Variants in MAP3K5 observed in about 807,000 individuals in gnomAD.
The protein encoded by MAP3K5 is mitogen-activated protein kinase kinase kinase 5.
A neutral mutation model predicts 158.7 loss-of-function variants in MAP3K5; 56 were observed. The ratio of observed to expected loss-of-function variants is 0.35; its 90% CI spans 0.28 to 0.44. The LOEUF (loss-of-function observed/expected upper bound fraction) is 0.44, where lower values mean the gene tolerates loss of function less well. MAP3K5 is among the 20% of genes least tolerant of loss of function. The pLI, the probability that MAP3K5 is intolerant of heterozygous loss-of-function variation, is 1.00. For synonymous variants in MAP3K5, 579 were observed against 601.7 expected, an observed-to-expected ratio of 0.96 and a Z score of 0.55; for missense variants, 1,294 against 1,674.8, an observed-to-expected ratio of 0.77 and a Z score of 3.97.
chr6:136,642,690 T>G (rs991273042), intron 11 of MAP3K5, 121 bp from the exon 12 acceptor site: 19 of 687,654 alleles, frequency 2.8e-5, no homozygotes, highest in Non-Finnish European at 4.9e-5. Flanking sequence ...ACACTATTTT[T>G]CATGAAAGAA....
At chr6:136,621,407 T>C (rs1776794847) in intron 15 of MAP3K5, among the ~76,000 whole-genome samples, 2 of 152,220 alleles carry the variant, frequency 1.3e-5, no homozygotes, top group African/African-American at 4.8e-5. Flanking sequence ...CCCCGCCATA[T>C]CTGGTTCAGG....
rs116738593 is a variant in MAP3K5 at position 136,572,691 on chromosome 6, G to C, written c.3518-4817C>G. ...ATCATTTTACGTATGTATATATGACGTAAAAAATTCTCTGAATTAATTTAA... is the reference window on the plus strand; with the variant it reads ...ATCATTTTACGTATGTATATATGACCTAAAAAATTCTCTGAATTAATTTAA... On this transcript the variant is annotated intron_variant, in intron 25 of 29. Coordinates refer to ENST00000359015, the MANE Select transcript of MAP3K5 (RefSeq NM_005923.4). Among the ~76,000 whole-genome samples, 719 of 152,244 alleles carry C rather than the reference G, an allele frequency of 4.7e-3. 10 individuals are homozygous for C. The highest frequency in any genetic ancestry group is 0.017 in the African/African-American group (690 of 41,518).
At chr6:136,789,572 T>A (rs1784982726) in intron 1 of MAP3K5, among the ~76,000 whole-genome samples, 1 of 151,432 alleles carries the variant, frequency 6.6e-6, no homozygotes, top group Non-Finnish European at 1.5e-5. Context: ...CCTGGTAAGA[T>A]CTTTGCCAGC....
intron 1 of MAP3K5, among the ~76,000 whole-genome samples, chr6:136,754,844 C>T (rs1783401426): frequency 6.6e-6 from 1 of 152,070 alleles, no homozygotes; most frequent in African/African-American, 2.4e-5. Context: ...ACAGAGGAAA[C>T]GGGGCTGAGG....
At chr6:136,747,127 C>T (rs9376228) in intron 1 of MAP3K5, among the ~76,000 whole-genome samples, 51,100 of 152,084 alleles carry the variant, frequency 0.34, 10,510 homozygotes, top group Middle Eastern at 0.45. Flanking sequence ...TGCTACATTG[C>T]CCAGGCTGGT....
intron 2 of MAP3K5, among the ~76,000 whole-genome samples, chr6:136,716,892 T>C (rs1372524945): frequency 6.6e-6 from 1 of 152,182 alleles, no homozygotes; most frequent in East Asian, 1.9e-4. Context: ...GCACAGTGGC[T>C]CACGCCTGTG....
At position 136,774,143 on chromosome 6, in the gene MAP3K5, T is replaced by C. The variant is rs1221207964; in HGVS notation, c.448+17567A>G. On this transcript the variant is annotated intron_variant, in intron 1 of 29. Coordinates refer to ENST00000359015, the MANE Select transcript of MAP3K5 (RefSeq NM_005923.4). ...AAAACCCAGTTCAAATGTCACCTCC[T>C]GTCCAATGTCTTAGCCAACCTCCTC... Among the ~76,000 whole-genome samples the C allele has an allele frequency of 2.0e-5, 3 of 152,216 alleles. No homozygotes were observed. In the East Asian group the frequency reaches 5.8e-4, roughly 29 times the overall value.
At chr6:136,600,473 C>G (rs113853210) in intron 21 of MAP3K5, among the ~76,000 whole-genome samples, 2 of 151,996 alleles carry the variant, frequency 1.3e-5, no homozygotes, top group Admixed American at 1.3e-4. Flanking sequence ...AGACTATAGG[C>G]GTGAACCACC....
intron 10 of MAP3K5, among the ~76,000 whole-genome samples, chr6:136,653,956 A>T (rs1453722095): frequency 6.6e-6 from 1 of 152,176 alleles, no homozygotes; most frequent in Non-Finnish European, 1.5e-5. Flanking sequence ...TTTAGAGATG[A>T]GGGGGAAAAC....
intron 11 of MAP3K5, among the ~76,000 whole-genome samples, chr6:136,645,875 C>T (rs945939470): frequency 1.3e-5 from 2 of 152,054 alleles, no homozygotes; most frequent in South Asian, 2.1e-4. Context: ...AAATGAAAAG[C>T]TACATTCTCT....
intron 1 of MAP3K5, among the ~76,000 whole-genome samples, chr6:136,749,483 T>C (rs1417692575): frequency 6.6e-6 from 1 of 151,922 alleles, no homozygotes; most frequent in Non-Finnish European, 1.5e-5. Flanking sequence ...CTGTCTAATA[T>C]GACTCCAATA....
chr6:136,606,348 C>T (rs1344284922), intron 18 of MAP3K5, among the ~76,000 whole-genome samples: 2 of 151,952 alleles, frequency 1.3e-5, no homozygotes, highest in African/African-American at 4.8e-5. Flanking sequence ...GAGACTCTGT[C>T]TCAAAAAAAC....
At position 136,611,337 on chromosome 6, in the gene MAP3K5, G is replaced by A. The variant is rs1326523947; in HGVS notation, c.2466C>T (p.Asp822=). The change falls in exon 18 of 30, where the codon GAC becomes GAT. Residue 822 remains aspartate, a synonymous_variant. Coordinates refer to ENST00000359015, the MANE Select transcript of MAP3K5 (RefSeq NM_005923.4). ...CAGCAAGCCTCTTTGATGTTCCGAA[G>A]TCAGAGATCTTGAGAACACCACTGT... ...NTYSGVLKIS[D]FGTSKRLAGI... is the part of the protein sequence containing the mutation. 1.2e-6 allele frequency: 2 copies of A among 1,613,338 alleles called. No individual in the cohort carries two copies. Among genetic ancestry groups the A allele is most frequent in the African/African-American group, 2.7e-5 (2 of 74,952 alleles).
chr6:136,603,514 G>C (rs933773899), intron 19 of MAP3K5, among the ~76,000 whole-genome samples: 1 of 151,872 alleles, frequency 6.6e-6, no homozygotes, highest in East Asian at 1.9e-4. Flanking sequence ...TATAGATGAG[G>C]AAACTGAGGC....
At chr6:136,759,640 T>G (rs1040963354) in intron 1 of MAP3K5, among the ~76,000 whole-genome samples, 3 of 151,250 alleles carry the variant, frequency 2.0e-5, no homozygotes, top group Non-Finnish European at 4.4e-5. Context: ...CCAGCTAATT[T>G]TTTCTATTTT....
Position 136,702,395 on chromosome 6 carries a change from T to C in MAP3K5, c.612+2715A>G, listed in dbSNP as rs188603215. Among the ~76,000 whole-genome samples, 21 of 152,372 alleles carry C rather than the reference T, an allele frequency of 1.4e-4. 1 individual carries two copies. The highest frequency in any genetic ancestry group is 1.2e-3 in the Admixed American group (18 of 15,310). ...GCATGGGAACATTTATTTCCCAAGT[T>C]GGCTCACGTGTAACTTAGAAATGTT... On this transcript the variant is annotated intron_variant, in intron 3 of 29. Coordinates refer to ENST00000359015, the MANE Select transcript of MAP3K5 (RefSeq NM_005923.4).
chr6:136,718,828 A>C (rs896088224), intron 2 of MAP3K5, among the ~76,000 whole-genome samples: 1 of 152,230 alleles, frequency 6.6e-6, no homozygotes, highest in African/African-American at 2.4e-5. Flanking sequence ...AGAGCAAAAA[A>C]ATGTAGAAAG....
intron 19 of MAP3K5, among the ~76,000 whole-genome samples, chr6:136,604,324 C>CA (rs898068066): frequency 2.9e-4 from 30 of 103,672 alleles, no homozygotes; most frequent in African/African-American, 8.0e-4. Context: ...TCTGTCTCCA[C>CA]AAAAAAAAAG....
At chr6:136,664,923 ACT>A (rs1779162280) in intron 8 of MAP3K5, among the ~76,000 whole-genome samples, 1 of 152,090 alleles carries the variant, frequency 6.6e-6, no homozygotes. Flanking sequence ...CAAGAGTGAG[ACT>A]CTATCTCAAA....
Sources: gnomAD v4.1 joint callset for allele counts (sites outside exome capture counted in the v4.1 genomes callset) on GRCh38, gnomAD v4.1.1 for gene constraint, MANE v1.5 for transcripts, NCBI Gene and HGNC (gene_info 2026-07-23, HGNC 2026-07-21) for gene names.